Variants in NWD1 observed in about 807,000 individuals in gnomAD.
NWD1 encodes NACHT and WD repeat domain containing 1, also known as NACHT domain- and WD repeat-containing protein 1.
NWD1 carries 129 observed loss-of-function variants against 135.1 expected under a neutral mutation model. That is an observed-to-expected ratio of 0.96 (90% CI 0.83 to 1.11). The LOEUF (loss-of-function observed/expected upper bound fraction) is 1.11. Ranked by LOEUF, NWD1 falls within the 50% of genes least tolerant of loss-of-function variation. NWD1 has a pLI of 0.00. For missense variants in NWD1, 1,740 were observed against 1,851.3 expected (o/e 0.94, Z 1.10); for synonymous variants, 773 against 786.0 (o/e 0.98, Z 0.28).
chr19:16,803,372 G>A (rs1970659675), intron 17 of NWD1, among the ~76,000 whole-genome samples: 2 of 152,134 alleles, frequency 1.3e-5, no homozygotes, highest in Admixed American at 6.6e-5. Context: ...CCTATGGGGA[G>A]TGAGGATTTT....
Position 16,791,167 on chromosome 19 carries a change from G to A in NWD1, c.2941-183G>A, listed in dbSNP as rs150443455. Among the ~76,000 whole-genome samples the A allele has an allele frequency of 3.1e-4, 47 of 152,264 alleles. No homozygotes were observed. In the East Asian group the frequency reaches 7.9e-3, roughly 26 times the overall value. ...GAGGATTGCTTGAGCCCAGGAGGTC[G>A]ATGCTGCAGTGAGCCATGATTGCAC... On this transcript the variant is annotated intron_variant, in intron 13 of 18. Coordinates refer to ENST00000524140, the MANE Select transcript of NWD1 (RefSeq NM_001007525.5).
chr19:16,816,832 G>A lies in NWD1; in HGVS notation c.*1793G>A, dbSNP rs1431952640. ...CCATTTTCCAAACCAGTTTTCCAAGGCAGGTTTTGGTAGTTCTGCAAATGT... is the reference window on the plus strand; with the variant it reads ...CCATTTTCCAAACCAGTTTTCCAAGACAGGTTTTGGTAGTTCTGCAAATGT... On this transcript the variant is annotated 3_prime_UTR_variant, in exon 19 of 19. Coordinates refer to ENST00000524140, the MANE Select transcript of NWD1 (RefSeq NM_001007525.5). The A allele has an allele frequency of 6.6e-6, 1 of 152,082 alleles. No homozygotes were observed. Among genetic ancestry groups the A allele is most frequent in the African/African-American group, 2.4e-5 (1 of 41,412 alleles). The allele number at this position is 152,082 out of a possible 1,614,324, so 9.4% of individuals were successfully genotyped here. A position where few individuals can be genotyped will look rare whatever the true frequency, so the allele number is the denominator to read the frequency against.
At chr19:16,805,453 C>T (rs1970721298) in intron 17 of NWD1, among the ~76,000 whole-genome samples, 1 of 152,126 alleles carries the variant, frequency 6.6e-6, no homozygotes, top group African/African-American at 2.4e-5. Flanking sequence ...CTCAGCCTCC[C>T]AAAGTGCTGG....
chr19:16,762,286 C>A (rs979337051), intron 8 of NWD1, 148 bp downstream of exon 8: 11 of 615,788 alleles, frequency 1.8e-5, no homozygotes, highest in East Asian at 1.7e-4. Context: ...CTTCTACTGT[C>A]CCCCCCACTC....
At chr19:16,776,569 C>CAA (rs112573511) in intron 11 of NWD1, among the ~76,000 whole-genome samples, 114 of 103,126 alleles carry the variant, frequency 1.1e-3, no homozygotes, top group African/African-American at 3.3e-3. Context: ...CTCCGTCTCA[C>CAA]AAAAAAAAAA....
At chr19:16,808,216 C>T in intron 18 of NWD1, 80 bp downstream of exon 18, 4 of 1,315,754 alleles carry the variant, frequency 3.0e-6, no homozygotes, top group Non-Finnish European at 4.3e-6. Flanking sequence ...ACTAAGCACA[C>T]ACCATGGGCC....
At chr19:16,764,836 T>C (rs1177304118) in intron 9 of NWD1, among the ~76,000 whole-genome samples, 198 bp from the exon 10 acceptor site, 1 of 152,150 alleles carries the variant, frequency 6.6e-6, no homozygotes, top group Non-Finnish European at 1.5e-5. Context: ...TGGTATCTGG[T>C]GGGTGGAGGC....
At chr19:16,736,596 T>G (rs1286683511) in intron 3 of NWD1, 38 bp from the exon 4 acceptor site, 2 of 1,290,394 alleles carry the variant, frequency 1.5e-6, no homozygotes, top group Non-Finnish European at 2.2e-6. Flanking sequence ...TCACCTGTCA[T>G]GCCACCTCTC....
At chr19:16,750,831 T>C (rs1968547782) in intron 6 of NWD1, among the ~76,000 whole-genome samples, 1 of 152,148 alleles carries the variant, frequency 6.6e-6, no homozygotes, top group South Asian at 2.1e-4. Context: ...TTGTCAACTA[T>C]ACCTCAAAAG....
intron 18 of NWD1, among the ~76,000 whole-genome samples, chr19:16,812,285 G>A (rs759637150): frequency 5.3e-5 from 8 of 151,942 alleles, no homozygotes; most frequent in Non-Finnish European, 7.4e-5. Flanking sequence ...CTCCAGCCTG[G>A]GTCAGACCTG....
chr19:16,764,776 A>G lies in NWD1; in HGVS notation c.2252-258A>G, dbSNP rs573248844. Among the ~76,000 whole-genome samples the G allele has an allele frequency of 2.6e-5, 4 of 152,114 alleles. No homozygotes were observed. In the East Asian group the frequency reaches 7.7e-4, roughly 29 times the overall value. ...ATTCTGCCCCCCCAGGGGACACTTG[A>G]CAATGTCTGCAGACATGTTTGATTG... On this transcript the variant is annotated intron_variant, in intron 9 of 18. Transcript: ENST00000524140.
intron 18 of NWD1, among the ~76,000 whole-genome samples, chr19:16,809,585 T>C (rs2608739): frequency 0.12 from 18,346 of 148,384 alleles, 1,935 homozygotes; most frequent in African/African-American, 0.29. Flanking sequence ...GATGGAGTCT[T>C]GCTCTGTCAC....
intron 4 of NWD1, among the ~76,000 whole-genome samples, chr19:16,743,463 C>T (rs950707930): frequency 1.3e-5 from 2 of 152,034 alleles, no homozygotes; most frequent in Admixed American, 6.6e-5. Context: ...CTGCCTTGGC[C>T]TCCCAAAGTG....
At chr19:16,720,345 A>C (rs2122644476) in intron 1 of NWD1, 52 bp downstream of exon 1, 2 of 152,332 alleles carry the variant, frequency 1.3e-5, no homozygotes, top group South Asian at 4.1e-4. Flanking sequence ...GGAGTGACTT[A>C]AGGGGTCACT....
chr19:16,783,385 A>G (rs999431413), intron 12 of NWD1, among the ~76,000 whole-genome samples: 9 of 152,108 alleles, frequency 5.9e-5, no homozygotes, highest in Non-Finnish European at 8.8e-5. Context: ...CTGTAATCCC[A>G]GCACTTTGGG....
chr19:16,775,898 C>T (rs941043652), intron 11 of NWD1, among the ~76,000 whole-genome samples: 3 of 152,248 alleles, frequency 2.0e-5, no homozygotes, highest in Admixed American at 2.0e-4. Flanking sequence ...AAACTCCTGA[C>T]CTCAGGTGAT....
intron 12 of NWD1, among the ~76,000 whole-genome samples, chr19:16,786,128 G>C (rs540542329): frequency 6.6e-6 from 1 of 152,080 alleles, no homozygotes; most frequent in African/African-American, 2.4e-5. Context: ...GCCTTCCAAA[G>C]TGTTGGGTTT....
At chr19:16,763,783 G>A (rs1424867400) in intron 8 of NWD1, 45 bp from the exon 9 acceptor site, 2 of 1,206,046 alleles carry the variant, frequency 1.7e-6, no homozygotes, top group Admixed American at 3.4e-5. Flanking sequence ...TGGAGTGAAT[G>A]AATGGGTTTG....
At chr19:16,807,525 G>T in intron 17 of NWD1, 61 bp from the exon 18 acceptor site, 1 of 1,365,208 alleles carries the variant, frequency 7.3e-7, no homozygotes, top group Non-Finnish European at 1.0e-6. Flanking sequence ...AACCACCAGG[G>T]AAGCAGGGCT....
Sources: gnomAD v4.1 joint callset for allele counts (sites outside exome capture counted in the v4.1 genomes callset) on GRCh38, gnomAD v4.1.1 for gene constraint, MANE v1.5 for transcripts, NCBI Gene and HGNC (gene_info 2026-07-23, HGNC 2026-07-21) for gene names.